The following AARS2 variants were observed in gnomAD, a reference collection of about 807,000 sequenced individuals.
AARS2 encodes alanine--tRNA ligase, mitochondrial.
AARS2 carries 78 observed loss-of-function variants against 119.7 expected under a neutral mutation model. The observed-to-expected ratio is 0.65, with a 90% CI of 0.54 to 0.79. The LOEUF (loss-of-function observed/expected upper bound fraction) is 0.79, where lower values mean the gene tolerates loss of function less well. AARS2 is among the 30% of genes least tolerant of loss of function. The probability of loss-of-function intolerance (pLI) is 0.00; values close to 1 mark genes in which losing one functional copy is unlikely to be tolerated. For missense variants in AARS2, 1,157 were observed against 1,291.3 expected (o/e 0.90, Z 1.59); for synonymous variants, 502 against 526.3 (o/e 0.95, Z 0.63).
At position 44,312,077 on chromosome 6, in the gene AARS2, A is replaced by G; in HGVS notation, c.430T>C (p.Phe144Leu). ...LGNWAFGGEY[F>L]KEEACNMAWE... ...ACTGATCCCCAGAGACTCACCTTAA[A>G]ATATTCACCCCCAAAGGCCCAATTG... Residue 144 changes from phenylalanine (F) to leucine (L), a missense_variant, in exon 2 of 22, where the codon TTT (phenylalanine) becomes CTT (leucine). Transcript: ENST00000244571. 2 of 1,614,122 alleles carry G rather than the reference A, an allele frequency of 1.2e-6. No homozygotes were observed. The highest frequency in any genetic ancestry group is 1.7e-6 in the Non-Finnish European group (2 of 1,179,986).
intron 1 of AARS2, 100 bp from the exon 2 acceptor site, chr6:44,312,363 G>A (rs1166633772): frequency 8.2e-6 from 10 of 1,226,384 alleles, no homozygotes; most frequent in South Asian, 1.4e-5. Flanking sequence ...CAGACCGAAG[G>A]CTGACTGTGC....
chr6:44,301,422 C>G lies in AARS2; in HGVS notation c.2641G>C (p.Gly881Arg). 6.2e-7 allele frequency: 1 copy of G among 1,613,950 alleles called. No homozygotes were observed. The highest frequency in any genetic ancestry group is 8.5e-7 in the Non-Finnish European group (1 of 1,180,040). The change falls in exon 20 of 22, where the codon GGG becomes CGG. Residue 881 changes from glycine (G) to arginine (R), a missense_variant. By Grantham distance (125) the Gly-to-Arg change is moderately radical. Coordinates refer to ENST00000244571, the MANE Select transcript of AARS2 (RefSeq NM_020745.4). Reference sequence around the variant, plus strand: ...GAGACTGTGTCCACAATCAGAGGCCCCTTCGAGTGCCGCTCCAGCAGCTCC... The same window carrying G: ...GAGACTGTGTCCACAATCAGAGGCCGCTTCGAGTGCCGCTCCAGCAGCTCC... ...TQELLERHSK[G>R]PLIVDTVSAE...
Position 44,303,192 on chromosome 6 carries a change from A to T in AARS2, c.2146-17T>A. On this transcript the variant is annotated splice_polypyrimidine_tract_variant and intron_variant, in intron 15 of 21. Transcript: ENST00000244571. ...TGGGTAAACCTGAGGTCAAGAGGGG[A>T]CAGGCCCGTTAACTGCCAAAGGAGA... The T allele has an allele frequency of 6.2e-7, 1 of 1,613,944 alleles. No homozygotes were observed. The highest frequency in any genetic ancestry group is 8.5e-7 in the Non-Finnish European group (1 of 1,179,844).
chr6:44,307,051 A>G lies in AARS2; in HGVS notation c.1041-20T>C. On this transcript the variant is annotated intron_variant, in intron 6 of 21. Transcript: ENST00000244571. The surrounding 1 kb of genome is among the most constrained non-coding windows in gnomAD (Gnocchi z 4.4). ...ACCAGCCTAAAGGGGTTCAGAGCCC[A>G]GACATGAATCCCCAGCGGCTCATGG... 1 of 1,612,790 alleles carries G rather than the reference A, an allele frequency of 6.2e-7. No homozygotes were observed. Among genetic ancestry groups the G allele is most frequent in the African/African-American group, 1.3e-5 (1 of 74,990 alleles).
chr6:44,305,649 G>A lies in AARS2; in HGVS notation c.1434+4C>T, dbSNP rs773001591. 4.3e-6 allele frequency: 7 copies of A among 1,613,792 alleles called. No individual in the cohort carries two copies. In the African/African-American group the frequency reaches 5.3e-5, roughly 12 times the overall value. On this transcript the variant is annotated splice_donor_region_variant and intron_variant, in intron 10 of 21. Coordinates refer to ENST00000244571, the MANE Select transcript of AARS2 (RefSeq NM_020745.4). The surrounding 1 kb of genome is among the most constrained non-coding windows in gnomAD (Gnocchi z 4.6). ...AACCCAGCATGGGGTGCCACAGCTTGTACCTGGGCCTCCTCTTGGGCCAAC... is the reference window on the plus strand; with the variant it reads ...AACCCAGCATGGGGTGCCACAGCTTATACCTGGGCCTCCTCTTGGGCCAAC...
intron 9 of AARS2, 107 bp downstream of exon 9, chr6:44,306,173 A>T: frequency 1.9e-6 from 2 of 1,043,488 alleles, no homozygotes; most frequent in Non-Finnish European, 3.0e-6. Context: ...CATTGGGAAG[A>T]GGTCAGGGGT....
rs144379582 is a variant in AARS2 at position 44,304,711 on chromosome 6, G to A, written c.1686C>T (p.Thr562=). 3 of 1,614,228 alleles carry A rather than the reference G, an allele frequency of 1.9e-6. No homozygotes were observed. Among genetic ancestry groups the A allele is most frequent in the South Asian group, 1.1e-5 (1 of 91,086 alleles). Residue 562 remains threonine (T), a synonymous_variant, in exon 12 of 22, where the codon ACC becomes ACT. Coordinates refer to ENST00000244571, the MANE Select transcript of AARS2 (RefSeq NM_020745.4). ...GQRCGLLLDR[T]NFYAEQGGQA... is the part of the protein sequence containing the mutation. ...GGCCCCCCTGTTCTGCGTAGAAGTT[G>A]GTCCTGTCCAAGAGGAGGCCACAGC...
At chr6:44,302,292 A>C (rs1485493852) in intron 18 of AARS2, 99 bp downstream of exon 18, 2 of 1,611,088 alleles carry the variant, frequency 1.2e-6, no homozygotes, top group African/African-American at 2.7e-5. Flanking sequence ...GCTGGAGCCC[A>C]ACCCAATTGG....
In AARS2 at chr6:44,302,529, A is replaced by G. The variant is rs367739956; in HGVS notation, c.2365-16T>C. ...GCTCTCGGGCCTGCAGGGAGGGGACAGGAGGGTCAGGATTACATTCATCTC... is the reference window on the plus strand; with the variant it reads ...GCTCTCGGGCCTGCAGGGAGGGGACGGGAGGGTCAGGATTACATTCATCTC... On this transcript the variant is annotated splice_polypyrimidine_tract_variant and intron_variant, in intron 17 of 21. Coordinates refer to ENST00000244571, the MANE Select transcript of AARS2 (RefSeq NM_020745.4). The G allele has an allele frequency of 1.3e-4, 216 of 1,613,944 alleles. No individual in the cohort carries two copies. The highest frequency in any genetic ancestry group is 1.7e-4 in the Non-Finnish European group (196 of 1,180,014).
In AARS2 at chr6:44,302,525, G is replaced by A; in HGVS notation, c.2365-12C>T. On this transcript the variant is annotated splice_polypyrimidine_tract_variant and intron_variant, in intron 17 of 21. Transcript: ENST00000244571. ...CCTAGCTCTCGGGCCTGCAGGGAGG[G>A]GACAGGAGGGTCAGGATTACATTCA... The A allele has an allele frequency of 6.2e-7, 1 of 1,613,926 alleles. No homozygotes were observed. The highest frequency in any genetic ancestry group is 8.5e-7 in the Non-Finnish European group (1 of 1,179,996).
intron 21 of AARS2, 37 bp downstream of exon 21, chr6:44,301,119 T>C: frequency 6.4e-7 from 1 of 1,568,780 alleles, no homozygotes. Context: ...GGATGGGTAT[T>C]AATGGGGGCG....
intron 16 of AARS2, 27 bp from the exon 17 acceptor site, chr6:44,302,937 G>A (rs1785482690): frequency 1.9e-6 from 3 of 1,610,446 alleles, no homozygotes; most frequent in Non-Finnish European, 2.5e-6. Context: ...TGAACAGAAA[G>A]TCGGGGCATG....
rs1164744645 is a variant in AARS2 at position 44,304,639 on chromosome 6, ACTCAC to A, written c.1752+1_1752+5del. On this transcript the variant is annotated splice_donor_variant and splice_donor_5th_base_variant and intron_variant, in intron 12 of 21. Transcript: ENST00000244571. LOFTEE classifies it high-confidence loss of function. ...GAAATCAGCCTGGGTTGTGATGGAG[ACTCAC>A]CTCTTGCCCTGCCCGCACCAGGTAG... 9 of 1,613,870 alleles carry A rather than the reference ACTCAC, an allele frequency of 5.6e-6. No homozygotes were observed. Among genetic ancestry groups the A allele is most frequent in the Non-Finnish European group, 6.8e-6 (8 of 1,179,946 alleles).
chr6:44,301,571 C>G (rs183296984), intron 19 of AARS2, 107 bp from the exon 20 acceptor site: 1 of 1,110,270 alleles, frequency 9.0e-7, no homozygotes, highest in Admixed American at 1.8e-5. Context: ...GCTTCCCCCA[C>G]CCACCCCAAA....
At chr6:44,312,298 T>G in intron 1 of AARS2, 35 bp from the exon 2 acceptor site, 1 of 1,598,088 alleles carries the variant, frequency 6.3e-7, no homozygotes. Flanking sequence ...GGGAGAGGGA[T>G]ATCCAATTTC....
rs75063435 is a variant in AARS2 at position 44,307,725 on chromosome 6, A to C, written c.895-331T>G. 1,863 of 368,824 alleles carry C rather than the reference A, an allele frequency of 5.1e-3. 25 individuals carry two copies. The highest frequency in any genetic ancestry group is 0.035 in the African/African-American group (1,694 of 48,840). 22.8% of individuals were successfully genotyped at this position (368,824 alleles called of 1,614,324 possible). The stretch of plus-strand genomic sequence containing the variant: ...TAGCATGCTTGCTTTAAAGAAGAAG[A>C]AGCTGAGGCTCAGAGGAACTCAGTG... On this transcript the variant is annotated intron_variant, in intron 5 of 21. Transcript: ENST00000244571. This position sits in a 1 kb window ranked among gnomAD's most constrained non-coding sequence, Gnocchi z 4.4.
Position 44,307,504 on chromosome 6 carries a change from A to C in AARS2, c.895-110T>G. The C allele has an allele frequency of 1.4e-6, 2 of 1,420,818 alleles. No homozygotes were observed. The highest frequency in any genetic ancestry group is 2.5e-5 in the East Asian group (1 of 40,016). 88.0% of individuals were successfully genotyped at this position (1,420,818 alleles called of 1,614,324 possible). ...AGCCCTAAAGCCAACCACATCCAGA[A>C]TGGCCTTGCCAGTCCAGTCCTGGGC... On this transcript the variant is annotated intron_variant, in intron 5 of 21. Transcript: ENST00000244571. This position sits in a 1 kb window ranked among gnomAD's most constrained non-coding sequence, Gnocchi z 4.4.
In AARS2 at chr6:44,301,373, G is replaced by A; in HGVS notation, c.2682+8C>T. On this transcript the variant is annotated splice_region_variant and intron_variant, in intron 20 of 21. Transcript: ENST00000244571. ...ACCCTGGGGCAGCCCGGCTTGGCTA[G>A]CACTCACTGAGAGAGACTCAGCAGA... The A allele has an allele frequency of 6.2e-7, 1 of 1,613,964 alleles. No individual in the cohort carries two copies. Among genetic ancestry groups the A allele is most frequent in the Non-Finnish European group, 8.5e-7 (1 of 1,180,012 alleles).
chr6:44,310,806 G>C (rs1786283598), intron 4 of AARS2, among the ~76,000 whole-genome samples, 188 bp downstream of exon 4: 1 of 152,234 alleles, frequency 6.6e-6, no homozygotes, highest in African/African-American at 2.4e-5. Flanking sequence ...GCAGTGACTT[G>C]TTTAAGCTGT....
Sources: gnomAD v4.1 joint callset for allele counts (sites outside exome capture counted in the v4.1 genomes callset) on GRCh38, gnomAD v4.1.1 for gene constraint, Gnocchi (gnomAD v3.1) non-coding constraint, MANE v1.5 for transcripts, NCBI Gene and HGNC (gene_info 2026-07-23, HGNC 2026-07-21) for gene names.